The following GNAZ variants were observed in gnomAD, a reference collection of about 807,000 sequenced individuals.
The protein encoded by GNAZ is guanine nucleotide-binding protein G(z) subunit alpha.
In GNAZ, 3 loss-of-function variants were observed where a neutral mutation model predicts 25.4. That is an observed-to-expected ratio of 0.12 (90% confidence interval 0.05 to 0.30). The LOEUF (loss-of-function observed/expected upper bound fraction) is 0.30, where lower values mean the gene tolerates loss of function less well. Ranked by LOEUF, GNAZ falls within the 10% of genes least tolerant of loss-of-function variation. The probability of loss-of-function intolerance (pLI) is 1.00; values close to 1 mark genes in which losing one functional copy is unlikely to be tolerated. For missense variants in GNAZ, 241 were observed against 501.8 expected, an observed-to-expected ratio of 0.48 and a Z score of 4.97; for synonymous variants, 211 against 205.7, an observed-to-expected ratio of 1.03 and a Z score of -0.22.
intron 1 of GNAZ, among the ~76,000 whole-genome samples, chr22:23,090,492 G>A (rs2068941829): frequency 6.6e-6 from 1 of 152,158 alleles, no homozygotes; most frequent in Admixed American, 6.5e-5. Flanking sequence ...CACAGGGCAG[G>A]TCATGGCACT....
At position 23,095,394 on chromosome 22, in the gene GNAZ, C is replaced by A. The variant is rs920928738; in HGVS notation, c.-302C>A. The A allele has an allele frequency of 5.4e-6, 2 of 367,270 alleles. No individual in the cohort carries two copies. Among genetic ancestry groups the A allele is most frequent in the Non-Finnish European group, 1.0e-5 (2 of 200,196 alleles). 22.8% of individuals were successfully genotyped at this position (367,270 alleles called of 1,614,324 possible). A position where few individuals can be genotyped will look rare whatever the true frequency, so the allele number is the denominator to read the frequency against. On this transcript the variant is annotated 5_prime_UTR_variant, in exon 2 of 3. Coordinates refer to ENST00000615612, the MANE Select transcript of GNAZ (RefSeq NM_002073.4). Reference sequence around the variant, plus strand: ...AGCAGCCGAGGCAAACACAAGCGGACGGCTTCCCACCGTCGCCGAGGACAG... The same window carrying A: ...AGCAGCCGAGGCAAACACAAGCGGAAGGCTTCCCACCGTCGCCGAGGACAG...
chr22:23,096,794 T>C (rs1197568155), intron 2 of GNAZ, among the ~76,000 whole-genome samples: 2 of 152,326 alleles, frequency 1.3e-5, no homozygotes, highest in East Asian at 3.9e-4. Flanking sequence ...CCATCTTGAG[T>C]CTGCAAATCT....
intron 2 of GNAZ, among the ~76,000 whole-genome samples, chr22:23,106,254 G>C (rs1455911548): frequency 1.3e-5 from 2 of 152,218 alleles, no homozygotes; most frequent in Non-Finnish European, 2.9e-5. Flanking sequence ...AAGCAAAACA[G>C]AGTGACATGA....
At chr22:23,081,884 G>A (rs1232495281) in intron 1 of GNAZ, among the ~76,000 whole-genome samples, 1 of 150,522 alleles carries the variant, frequency 6.6e-6, no homozygotes, top group Non-Finnish European at 1.5e-5. Context: ...CCAGCACTTT[G>A]GGGGGCCGAG....
chr22:23,088,231 G>A (rs1052178061), intron 1 of GNAZ, among the ~76,000 whole-genome samples: 10 of 152,168 alleles, frequency 6.6e-5, no homozygotes, highest in Admixed American at 1.3e-4. Flanking sequence ...CCATCTACAC[G>A]CCCAAAATGT....
At chr22:23,092,069 G>A (rs2146304937) in intron 1 of GNAZ, among the ~76,000 whole-genome samples, 1 of 152,304 alleles carries the variant, frequency 6.6e-6, no homozygotes, top group African/African-American at 2.4e-5. Context: ...GGGGTCCTGG[G>A]TGTTGAGCTC....
chr22:23,106,343 A>G (rs527924492), intron 2 of GNAZ, among the ~76,000 whole-genome samples: 37 of 152,338 alleles, frequency 2.4e-4, no homozygotes, highest in Non-Finnish European at 4.9e-4. Context: ...GGGTGCCAAC[A>G]TCCTGGAGGC....
At chr22:23,110,281 G>C (rs1287019144) in intron 2 of GNAZ, among the ~76,000 whole-genome samples, 6 of 152,104 alleles carry the variant, frequency 3.9e-5, no homozygotes, top group Non-Finnish European at 7.4e-5. Flanking sequence ...GAGCCCAGGA[G>C]CCTCTCACAG....
intron 1 of GNAZ, among the ~76,000 whole-genome samples, chr22:23,094,236 G>A (rs1359814967): frequency 1.3e-5 from 2 of 152,158 alleles, no homozygotes; most frequent in Admixed American, 1.3e-4. Flanking sequence ...AGGGGTGCGT[G>A]TGAGTTGGGT....
intron 1 of GNAZ, among the ~76,000 whole-genome samples, chr22:23,076,606 A>G (rs1179862516): frequency 6.6e-6 from 1 of 152,244 alleles, no homozygotes; most frequent in African/African-American, 2.4e-5. Context: ...AGCCAGAGGC[A>G]GGTGGACAGA....
chr22:23,079,346 T>C (rs1041219862), intron 1 of GNAZ, among the ~76,000 whole-genome samples: 8 of 152,208 alleles, frequency 5.3e-5, no homozygotes, highest in Non-Finnish European at 1.2e-4. Context: ...CGAAGTCCAC[T>C]TGGCTTTCTG....
chr22:23,081,771 G>A (rs1349438196), intron 1 of GNAZ, among the ~76,000 whole-genome samples: 3 of 140,856 alleles, frequency 2.1e-5, no homozygotes, highest in African/African-American at 5.4e-5. Flanking sequence ...GCAGTGAGCC[G>A]AGATCGTGCC....
At chr22:23,078,213 G>T (rs1224155843) in intron 1 of GNAZ, among the ~76,000 whole-genome samples, 2 of 152,266 alleles carry the variant, frequency 1.3e-5, no homozygotes, top group Admixed American at 1.3e-4. Flanking sequence ...TCGATGAAAT[G>T]CTGGGAAGAA....
intron 2 of GNAZ, 132 bp downstream of exon 2, chr22:23,096,550 A>G (rs1443325004): frequency 1.1e-6 from 1 of 939,446 alleles, no homozygotes; most frequent in African/African-American, 1.6e-5. Flanking sequence ...CTGCTGCACG[A>G]TAACTGAGGC....
At chr22:23,072,397 A>G (rs1047454659) in intron 1 of GNAZ, among the ~76,000 whole-genome samples, 1 of 152,180 alleles carries the variant, frequency 6.6e-6, no homozygotes, top group Non-Finnish European at 1.5e-5. Context: ...CATCTGGTTT[A>G]AAAGTCTTCC....
intron 2 of GNAZ, among the ~76,000 whole-genome samples, chr22:23,117,709 C>G (rs1323635468): frequency 6.6e-6 from 1 of 152,220 alleles, no homozygotes; most frequent in African/African-American, 2.4e-5. Flanking sequence ...CACAACAGTC[C>G]CAGCATTGTA....
chr22:23,123,476 G>C lies in GNAZ; in HGVS notation c.*45G>C. The C allele has an allele frequency of 2.2e-6, 3 of 1,336,224 alleles. No homozygotes were observed. The highest frequency in any genetic ancestry group is 3.2e-6 in the Non-Finnish European group (3 of 945,808). The allele number at this position is 1,336,224 out of a possible 1,614,324, so 82.8% of individuals were successfully genotyped here. ...GCCTGCCTATGGTGAAACCCACGGG[G>C]TGTCATGCCCCAACGCGTGCTAGAG... On this transcript the variant is annotated 3_prime_UTR_variant, in exon 3 of 3. Transcript: ENST00000615612.
At chr22:23,076,156 G>A (rs1213435593) in intron 1 of GNAZ, among the ~76,000 whole-genome samples, 1 of 152,220 alleles carries the variant, frequency 6.6e-6, no homozygotes, top group African/African-American at 2.4e-5. Context: ...GGGCCTCTAT[G>A]TAGAACAGCG....
chr22:23,110,510 G>A (rs2069614481), intron 2 of GNAZ, among the ~76,000 whole-genome samples: 1 of 152,214 alleles, frequency 6.6e-6, no homozygotes. Flanking sequence ...GCACAGCAAG[G>A]CAGGTCCTTA....
Sources: gnomAD v4.1 joint callset for allele counts (sites outside exome capture counted in the v4.1 genomes callset) on GRCh38, gnomAD v4.1.1 for gene constraint, MANE v1.5 for transcripts, NCBI Gene and HGNC (gene_info 2026-07-23, HGNC 2026-07-21) for gene names.